Variants in INTS3 observed in about 807,000 individuals in gnomAD.
The protein encoded by INTS3 is integrator complex subunit 3.
Under a neutral mutation model 146.3 loss-of-function variants are expected in INTS3, and 34 were observed. The observed-to-expected ratio is 0.23, with a 90% confidence interval of 0.18 to 0.31. The LOEUF is 0.31. Among genes scored for constraint, INTS3 ranks in the 10% least tolerant of loss-of-function variants. The pLI is 1.00. For missense variants in INTS3, 757 were observed against 1,304.2 expected, an observed-to-expected ratio of 0.58 and a Z score of 6.46; for synonymous variants, 475 against 494.9, an observed-to-expected ratio of 0.96 and a Z score of 0.53.
intron 13 of INTS3, chr1:153,761,199 C>T (rs1558004517): frequency 1.5e-6 from 1 of 665,036 alleles, no homozygotes; most frequent in African/African-American, 1.8e-5. Flanking sequence ...CCTATCTCAA[C>T]TCCATGTTGA....
chr1:153,760,597 A>C (rs543091634), intron 12 of INTS3: 36 of 623,106 alleles, frequency 5.8e-5, no homozygotes, highest in Admixed American at 1.4e-4. Flanking sequence ...GGGGTTTCTC[A>C]ATCACAAGGA....
intron 18 of INTS3, 30 bp downstream of exon 18, chr1:153,764,251 C>A: frequency 6.7e-7 from 1 of 1,491,980 alleles, no homozygotes; most frequent in Non-Finnish European, 9.4e-7. Context: ...ACTCCAGAGC[C>A]TCAGGAGCCA....
At chr1:153,760,252 AAAAAAAG>A in intron 11 of INTS3, 52 bp from the exon 12 acceptor site, 6 of 1,036,546 alleles carry the variant, frequency 5.8e-6, no homozygotes, top group Admixed American at 5.3e-5. Context: ...AAAAAAAAAA[AAAAAAAG>A]AGAGAGAGAG....
At position 153,763,288 on chromosome 1, in the gene INTS3, A is replaced by C; in HGVS notation, c.1692A>C (p.Pro564=). Residue 564 remains proline, a synonymous_variant, in exon 16 of 30, where the codon CCA becomes CCC. Coordinates refer to ENST00000318967, the MANE Select transcript of INTS3 (RefSeq NM_023015.5). The part of the protein sequence containing the change: ...HPIKETVVEE[P]VDITPYLDQL... ...TCAAGGAGACAGTTGTGGAGGAGCC[A>C]GTTGATATCACCCCTTACCTTGACC... The C allele has an allele frequency of 6.2e-7, 1 of 1,614,188 alleles. No individual in the cohort carries two copies. Among genetic ancestry groups the C allele is most frequent in the Non-Finnish European group, 8.5e-7 (1 of 1,179,994 alleles).
chr1:153,773,783 C>G lies in INTS3; in HGVS notation c.*513C>G, dbSNP rs115975027. 730 of 177,506 alleles carry G rather than the reference C, an allele frequency of 4.1e-3. 3 individuals carry two copies. The highest frequency in any genetic ancestry group is 0.015 in the African/African-American group (631 of 41,726). The allele number at this position is 177,506 out of a possible 1,614,324, so 11.0% of individuals were successfully genotyped here. On this transcript the variant is annotated 3_prime_UTR_variant, in exon 30 of 30. Transcript: ENST00000318967. Reference sequence around the variant, plus strand: ...GCCAGTGTGAAATGGGCATCTATGACGTGGTCAGGGTGTCCATTCCTAATC... The same window carrying G: ...GCCAGTGTGAAATGGGCATCTATGAGGTGGTCAGGGTGTCCATTCCTAATC...
intron 1 of INTS3, 37 bp downstream of exon 1, chr1:153,728,821 G>A: frequency 7.9e-7 from 1 of 1,264,826 alleles, no homozygotes; most frequent in Non-Finnish European, 1.1e-6. Flanking sequence ...TAAGAAATTG[G>A]GTTTTGGAGG....
At chr1:153,761,396 G>A (rs536678532) in intron 13 of INTS3, 174 bp from the exon 14 acceptor site, 2 of 585,666 alleles carry the variant, frequency 3.4e-6, no homozygotes, top group South Asian at 4.3e-5. Context: ...TGTAATCCTA[G>A]CTACTTGAGA....
chr1:153,754,144 G>A (rs1357988993), intron 8 of INTS3, among the ~76,000 whole-genome samples: 1 of 151,984 alleles, frequency 6.6e-6, no homozygotes. Flanking sequence ...GTAATGTGGG[G>A]ACATGGTAAC....
In INTS3 at chr1:153,747,380, G is replaced by A; in HGVS notation, c.517+17G>A. 1 of 1,595,252 alleles carries A rather than the reference G, an allele frequency of 6.3e-7. No individual in the cohort carries two copies. The highest frequency in any genetic ancestry group is 1.1e-5 in the South Asian group (1 of 90,672). ...AGATTGCAGGTGAGTTTGATGGCAG[G>A]AGCATAAAGAAGAAAGGAGGAGAGC... On this transcript the variant is annotated intron_variant, in intron 5 of 29. Transcript: ENST00000318967.
intron 4 of INTS3, 70 bp from the exon 5 acceptor site, chr1:153,747,209 G>A (rs1182152784): frequency 7.1e-7 from 1 of 1,409,642 alleles, no homozygotes; most frequent in East Asian, 2.3e-5. Flanking sequence ...CCTTTCAGTT[G>A]TAATTGAATT....
At chr1:153,752,831 C>T (rs1454612660) in intron 8 of INTS3, among the ~76,000 whole-genome samples, 3 of 152,132 alleles carry the variant, frequency 2.0e-5, no homozygotes, top group Non-Finnish European at 4.4e-5. Flanking sequence ...TCCCTGGGAA[C>T]AGTCTTGCCT....
At chr1:153,759,767 C>G in intron 11 of INTS3, 154 bp downstream of exon 11, 1 of 623,608 alleles carries the variant, frequency 1.6e-6, no homozygotes, top group Non-Finnish European at 2.9e-6. Context: ...TTCCCTTGAC[C>G]TAGAAAGAGA....
At chr1:153,760,280 G>GT (rs1053771051) in intron 11 of INTS3, 31 bp from the exon 12 acceptor site, 1 of 803,550 alleles carries the variant, frequency 1.2e-6, no homozygotes, top group African/African-American at 1.7e-5. Context: ...ACTGACTGAT[G>GT]TGAGGGGCTC....
chr1:153,756,273 C>T (rs1408996263), intron 9 of INTS3, among the ~76,000 whole-genome samples: 1 of 151,304 alleles, frequency 6.6e-6, no homozygotes, highest in Non-Finnish European at 1.5e-5. Flanking sequence ...GCAGGAGAAT[C>T]ACTTGAACCC....
chr1:153,760,650 G>C (rs2101816842), intron 12 of INTS3, 177 bp from the exon 13 acceptor site: 1 of 641,222 alleles, frequency 1.6e-6, no homozygotes, highest in East Asian at 2.7e-5. Context: ...GGAGCAGCCA[G>C]GTCCAGTAAG....
At chr1:153,758,120 A>G (rs1024017373) in intron 10 of INTS3, among the ~76,000 whole-genome samples, 4 of 152,028 alleles carry the variant, frequency 2.6e-5, no homozygotes, top group African/African-American at 9.7e-5. Context: ...TTAGACCCTC[A>G]CCACCATGCC....
At chr1:153,731,679 G>A (rs1343368284) in intron 1 of INTS3, among the ~76,000 whole-genome samples, 2 of 142,512 alleles carry the variant, frequency 1.4e-5, no homozygotes, top group African/African-American at 2.6e-5. Flanking sequence ...TCTGCCTCCC[G>A]GGTTCACACC....
At chr1:153,753,523 C>G (rs1319150207) in intron 8 of INTS3, among the ~76,000 whole-genome samples, 2 of 151,412 alleles carry the variant, frequency 1.3e-5, no homozygotes, top group Admixed American at 1.3e-4. Context: ...CGCCACTGCA[C>G]TCCAGCCTGG....
rs1670928000 is a variant in INTS3, at chr1:153,728,238, G to T, written c.-397G>T. On this transcript the variant is annotated 5_prime_UTR_variant, in exon 1 of 30. The change creates a new upstream start codon in the 5' untranslated region. Coordinates refer to ENST00000318967, the MANE Select transcript of INTS3 (RefSeq NM_023015.5). ...TTTCCTACCTCCTAATTCAGGGGCA[G>T]GACTCCTCTTTTCCCCCCACGGGGA... is the stretch of plus-strand genomic sequence containing the variant. 2.5e-6 allele frequency: 1 copy of T among 393,452 alleles called. No individual in the cohort carries two copies. Among genetic ancestry groups the T allele is most frequent in the Non-Finnish European group, 4.5e-6 (1 of 223,006 alleles). The allele number at this position is 393,452 out of a possible 1,614,324, so 24.4% of individuals were successfully genotyped here.
Sources: allele counts gnomAD v4.1 joint callset (sites outside exome capture counted in the v4.1 genomes callset), GRCh38; gene constraint gnomAD v4.1.1; transcripts MANE v1.5; gene names NCBI Gene and HGNC (gene_info 2026-07-23, HGNC 2026-07-21).